Variants in ECM2 observed in about 807,000 individuals in gnomAD.
ECM2 encodes the protein extracellular matrix protein 2.
Under a neutral mutation model 67.5 loss-of-function variants are expected in ECM2, and 57 were observed. That is an observed-to-expected ratio of 0.84 (90% CI 0.68 to 1.05). ECM2 has a LOEUF of 1.05. Among genes scored for constraint, ECM2 ranks in the 50% least tolerant of loss-of-function variants. The pLI, the probability that ECM2 is intolerant of heterozygous loss-of-function variation, is 0.00. For synonymous variants in ECM2, 258 were observed against 294.5 expected, an observed-to-expected ratio of 0.88 and a Z score of 1.27; for missense variants, 741 against 822.8, an observed-to-expected ratio of 0.90 and a Z score of 1.22.
At chr9:92,540,972 A>G (rs1849304843), upstream of ECM2, among the ~76,000 whole-genome samples, 1 of 151,000 alleles carries the variant, frequency 6.6e-6, no homozygotes, top group African/African-American at 2.4e-5. Flanking sequence ...TTTTTTAAAA[A>G]ATGTATTGGC....
chr9:92,555,128 T>C, the ECM2 span, among the ~76,000 whole-genome samples: 2 of 151,600 alleles, frequency 1.3e-5, no homozygotes, highest in Non-Finnish European at 2.9e-5. Context: ...TACAGAATAG[T>C]GTCAAAACGA....
chr9:92,502,751 A>G lies in ECM2; in HGVS notation c.1465-99T>C, dbSNP rs185881488. 5 of 959,678 alleles carry G rather than the reference A, an allele frequency of 5.2e-6. No homozygotes were observed. In the African/African-American group the frequency reaches 6.7e-5, roughly 13 times the overall value. 59.4% of individuals were successfully genotyped at this position (959,678 alleles called of 1,614,324 possible). On this transcript the variant is annotated intron_variant, in intron 7 of 9. Coordinates refer to ENST00000344604, the MANE Select transcript of ECM2 (RefSeq NM_001393.4). ...AGTGACATAGACTATTATCATTAGT[A>G]TTATCTAAAGAGTCTTACTGCTCTT... is the stretch of plus-strand genomic sequence containing the variant.
rs1214628302 is a variant in ECM2, at chr9:92,500,910, A to G, written c.1748T>C (p.Leu583Pro). ...GTTAAATGACAGGTACAAGTATTCC[A>G]GGCCTGGTTCCATGTGGCCAAACAC... Reference protein sequence around the residue: ...GYVFGHMEPGLEYLYLSFNKL... With the variant: ...GYVFGHMEPGPEYLYLSFNKL... The change falls in exon 9 of 10, where the codon CTG becomes CCG. Residue 583 changes from leucine to proline, a missense_variant. By Grantham distance (98) the Leu-to-Pro change is moderately conservative. Transcript: ENST00000344604. The G allele has an allele frequency of 6.2e-7, 1 of 1,614,102 alleles. No homozygotes were observed. The highest frequency in any genetic ancestry group is 1.3e-5 in the African/African-American group (1 of 74,938).
intron 7 of ECM2, 97 bp downstream of exon 7, chr9:92,505,436 T>C: frequency 9.0e-7 from 1 of 1,117,270 alleles, no homozygotes; most frequent in Non-Finnish European, 1.3e-6. Context: ...GAAACTAGAG[T>C]TTAATTTACA....
intron 2 of ECM2, 121 bp from the exon 3 acceptor site, chr9:92,517,996 A>G (rs1847831169): frequency 1.8e-6 from 2 of 1,137,380 alleles, no homozygotes; most frequent in Non-Finnish European, 2.5e-6. Context: ...TTCTATGTGC[A>G]TTCATGTATA....
Position 92,526,468 on chromosome 9 carries a change from CA to C in ECM2, c.-27-3576del, listed in dbSNP as rs1848416924. Among the ~76,000 whole-genome samples, 2 of 151,930 alleles carry C rather than the reference CA, an allele frequency of 1.3e-5. 1 individual carries two copies. Among genetic ancestry groups the C allele is most frequent in the Non-Finnish European group, 2.9e-5 (2 of 67,978 alleles). On this transcript the variant is annotated intron_variant, in intron 1 of 9. Transcript: ENST00000344604. Reference sequence around the variant, plus strand: ...GGAAGTTTACAGCAATAAACACCTACATCAACAAGTAGAAAAACTTCATATA... The same window carrying C: ...GGAAGTTTACAGCAATAAACACCTACTCAACAAGTAGAAAAACTTCATATA...
At chr9:92,551,443 T>A in the ECM2 span, among the ~76,000 whole-genome samples, 1 of 152,098 alleles carries the variant, frequency 6.6e-6, no homozygotes, top group South Asian at 2.1e-4. Flanking sequence ...GCTCAAACAA[T>A]CCTCCCACCT....
chr9:92,531,609 T>G (rs1848756337), intron 1 of ECM2, among the ~76,000 whole-genome samples: 1 of 152,190 alleles, frequency 6.6e-6, no homozygotes, highest in South Asian at 2.1e-4. Flanking sequence ...ACCCACTAGA[T>G]GCCATTAGTA....
the ECM2 span, among the ~76,000 whole-genome samples, chr9:92,554,810 G>A: frequency 6.6e-6 from 1 of 151,204 alleles, no homozygotes; most frequent in African/African-American, 2.4e-5. Flanking sequence ...GCTTATTTTT[G>A]GTTTTTTAGT....
intron 9 of ECM2, among the ~76,000 whole-genome samples, chr9:92,497,350 C>A (rs113095006): frequency 6.6e-6 from 1 of 152,064 alleles, no homozygotes; most frequent in African/African-American, 2.4e-5. Context: ...GTAGGCTGGG[C>A]GTGGTGGCTC....
At chr9:92,535,702 A>G (rs1020573626) in intron 1 of ECM2, among the ~76,000 whole-genome samples, 4 of 152,160 alleles carry the variant, frequency 2.6e-5, no homozygotes, top group Non-Finnish European at 5.9e-5. Context: ...TATTGAACAC[A>G]TAATTCCACC....
At position 92,502,644 on chromosome 9, in the gene ECM2, G is replaced by A. The variant is rs764699836; in HGVS notation, c.1473C>T (p.Tyr491=). The part of the protein sequence containing the change: ...QGLPGSIEEL[Y]LENNQIEEIT... ...TTTCTTCAATTTGGTTATTTTCTAG[G>A]TATAATTCCTATAATTAAGAGAGAA... is the stretch of plus-strand genomic sequence containing the variant. The change falls in exon 8 of 10, where the codon TAC becomes TAT. Residue 491 remains tyrosine, a synonymous_variant. Transcript: ENST00000344604. The A allele has an allele frequency of 3.2e-6, 5 of 1,572,248 alleles. No homozygotes were observed. In the East Asian group the frequency reaches 9.0e-5, roughly 28 times the overall value.
intron 1 of ECM2, among the ~76,000 whole-genome samples, chr9:92,523,749 G>A (rs1050619132): frequency 1.3e-5 from 2 of 152,160 alleles, no homozygotes; most frequent in African/African-American, 4.8e-5. Flanking sequence ...GAGCCTGTAC[G>A]TCTGTCCACA....
Position 92,500,737 on chromosome 9 carries a change from TG to T in ECM2, c.1920del (p.Asn640LysfsTer46). The T allele has an allele frequency of 6.2e-7, 1 of 1,609,148 alleles. No individual in the cohort carries two copies. The highest frequency in any genetic ancestry group is 8.5e-7 in the Non-Finnish European group (1 of 1,176,250). On this transcript the variant is annotated frameshift_variant, in exon 9 of 10. Coordinates refer to ENST00000344604, the MANE Select transcript of ECM2 (RefSeq NM_001393.4). LOFTEE classifies it high-confidence loss of function. The part of the protein sequence containing the change: ...MKALHFLRLN[N>X]NKIRNILPEE... Reference sequence around the variant, plus strand: ...AAAGCCAAAATTTACCGTATCTTGTTGTTGTTCAGCCTCAGAAAATGTAGTG... The same window carrying T: ...AAAGCCAAAATTTACCGTATCTTGTTTTGTTCAGCCTCAGAAAATGTAGTG...
chr9:92,538,840 T>A (rs536938166), upstream of ECM2, among the ~76,000 whole-genome samples: 19 of 152,220 alleles, frequency 1.2e-4, no homozygotes, highest in Non-Finnish European at 2.6e-4. Context: ...CAGGGCCATC[T>A]GCCTATGAAG....
intron 1 of ECM2, among the ~76,000 whole-genome samples, chr9:92,533,328 A>T (rs867983007): frequency 0.067 from 2,489 of 37,388 alleles, 52 homozygotes; most frequent in African/African-American, 0.12. Context: ...AAAAAAAAAA[A>T]ATATATATAT....
At chr9:92,520,296 G>T (rs568473458) in intron 2 of ECM2, among the ~76,000 whole-genome samples, 141 of 151,918 alleles carry the variant, frequency 9.3e-4, no homozygotes, top group Middle Eastern at 3.4e-3. Context: ...AAAAAAGAAA[G>T]AAATAGGCAT....
chr9:92,522,549 GTC>G (rs771860993), intron 2 of ECM2, 24 bp downstream of exon 2: 3 of 1,548,224 alleles, frequency 1.9e-6, no homozygotes, highest in Non-Finnish European at 2.6e-6. Flanking sequence ...CCCTCTTTCT[GTC>G]TCTCTCTCAT....
At chr9:92,512,251 C>A in intron 4 of ECM2, 125 bp from the exon 5 acceptor site, 1 of 546,866 alleles carries the variant, frequency 1.8e-6, no homozygotes, top group Non-Finnish European at 3.3e-6. Flanking sequence ...ATACTCAGAA[C>A]AAGGACAGAA....
Sources: allele counts gnomAD v4.1 joint callset (sites outside exome capture counted in the v4.1 genomes callset), GRCh38; gene constraint gnomAD v4.1.1; transcripts MANE v1.5; gene names NCBI Gene and HGNC (gene_info 2026-07-23, HGNC 2026-07-21).